The following RSRC1 variants were observed in gnomAD, a reference collection of about 807,000 sequenced individuals.
The protein encoded by RSRC1 is arginine and serine rich coiled-coil 1.
Under a neutral mutation model 49.1 loss-of-function variants are expected in RSRC1, and 39 were observed. The observed-to-expected ratio is 0.79, with a 90% CI of 0.61 to 1.04. The LOEUF (loss-of-function observed/expected upper bound fraction) is 1.04. RSRC1 is among the 50% of genes least tolerant of loss of function. The pLI, the probability that RSRC1 is intolerant of heterozygous loss-of-function variation, is 0.00. For missense variants in RSRC1, 388 were observed against 402.4 expected (o/e 0.96, Z 0.31); for synonymous variants, 143 against 130.8 (o/e 1.09, Z -0.63).
chr3:158,442,789 A>G lies in RSRC1; in HGVS notation c.584-18146A>G, dbSNP rs560513152. On this transcript the variant is annotated intron_variant, in intron 6 of 9. Coordinates refer to ENST00000611884, the MANE Select transcript of RSRC1 (RefSeq NM_001271838.2). ...TAAGAAATACATTTTATAGGGCTAT[A>G]GCTGCCATAGCCCTAGAAAATGTAT... Among the ~76,000 whole-genome samples, 7 of 152,154 alleles carry G rather than the reference A, an allele frequency of 4.6e-5. No individual in the cohort carries two copies. The East Asian group carries it at 9.7e-4, about 21-fold the overall frequency.
At chr3:158,181,903 T>A (rs528192388) in intron 3 of RSRC1, among the ~76,000 whole-genome samples, 1 of 152,300 alleles carries the variant, frequency 6.6e-6, no homozygotes, top group South Asian at 2.1e-4. Flanking sequence ...AAGGCACTAT[T>A]CTAGGCACCT....
chr3:158,271,743 G>A (rs1360588010), intron 4 of RSRC1, among the ~76,000 whole-genome samples: 1 of 151,866 alleles, frequency 6.6e-6, no homozygotes, highest in African/African-American at 2.4e-5. Context: ...CATTTTCATT[G>A]AACTAGGAAT....
At chr3:158,325,731 T>G (rs1392681826) in intron 5 of RSRC1, among the ~76,000 whole-genome samples, 1 of 152,232 alleles carries the variant, frequency 6.6e-6, no homozygotes, top group East Asian at 1.9e-4. Flanking sequence ...TGGTTCCATA[T>G]GAACTTTAAA....
In RSRC1 at chr3:158,532,720, T is replaced by C. The variant is rs543130347; in HGVS notation, c.653-4372T>C. Among the ~76,000 whole-genome samples the C allele has an allele frequency of 7.9e-5, 12 of 151,974 alleles. No individual in the cohort carries two copies. The East Asian group carries it at 9.7e-4, about 12-fold the overall frequency. On this transcript the variant is annotated intron_variant, in intron 7 of 9. Transcript: ENST00000611884. ...AGTATATATCCCTTCCATTAACATC[T>C]AGCAGAAAACATTTTATTTACAAAT...
At chr3:158,350,318 C>A (rs1205666867) in intron 5 of RSRC1, among the ~76,000 whole-genome samples, 3 of 151,996 alleles carry the variant, frequency 2.0e-5, no homozygotes, top group Middle Eastern at 3.4e-3. Flanking sequence ...GCTGGGACCA[C>A]AGGTGGATGA....
intron 5 of RSRC1, 23 bp from the exon 6 acceptor site, chr3:158,354,834 A>ATT (rs368294453): frequency 4.3e-4 from 496 of 1,154,390 alleles, no homozygotes; most frequent in South Asian, 1.4e-3. Flanking sequence ...GTATGGTTGA[A>ATT]TTTTTTTTTT....
intron 7 of RSRC1, among the ~76,000 whole-genome samples, chr3:158,488,998 T>G (rs1246290466): frequency 6.6e-6 from 1 of 152,188 alleles, no homozygotes; most frequent in Non-Finnish European, 1.5e-5. Flanking sequence ...GAAGTTGTGT[T>G]GTAATAGCAC....
intron 7 of RSRC1, among the ~76,000 whole-genome samples, chr3:158,492,556 A>G (rs1739129380): frequency 6.6e-6 from 1 of 152,148 alleles, no homozygotes; most frequent in African/African-American, 2.4e-5. Context: ...ATGGGCTGGG[A>G]GGTGGAGAAA....
chr3:158,458,933 T>A (rs1036133186), intron 6 of RSRC1, among the ~76,000 whole-genome samples: 1 of 152,188 alleles, frequency 6.6e-6, no homozygotes, highest in Non-Finnish European at 1.5e-5. Flanking sequence ...TTTTTCCAGA[T>A]TTCCTTAATA....
At chr3:158,310,286 CTA>C (rs1728057118) in intron 5 of RSRC1, among the ~76,000 whole-genome samples, 1 of 151,524 alleles carries the variant, frequency 6.6e-6, no homozygotes, top group African/African-American at 2.4e-5. Context: ...CTTTGCTTTG[CTA>C]TCTTATTGAG....
chr3:158,523,815 G>A (rs948533274), intron 7 of RSRC1, among the ~76,000 whole-genome samples: 1 of 152,020 alleles, frequency 6.6e-6, no homozygotes, highest in Non-Finnish European at 1.5e-5. Context: ...GGACTCTCTG[G>A]TGAAGCTTTC....
intron 3 of RSRC1, among the ~76,000 whole-genome samples, chr3:158,175,131 T>G (rs886353143): frequency 2.0e-5 from 3 of 152,154 alleles, no homozygotes; most frequent in African/African-American, 7.2e-5. Context: ...TATGAAATGC[T>G]TGTTTAGTCT....
chr3:158,346,324 A>T (rs1003743649), intron 5 of RSRC1, among the ~76,000 whole-genome samples: 6 of 152,146 alleles, frequency 3.9e-5, no homozygotes, highest in Non-Finnish European at 2.9e-5. Context: ...AAAAAGAAAA[A>T]GAAGGAGAAG....
At chr3:158,208,517 C>T (rs55699647) in intron 4 of RSRC1, among the ~76,000 whole-genome samples, 1,872 of 152,142 alleles carry the variant, frequency 0.012, 25 homozygotes, top group Non-Finnish European at 0.021. Context: ...GTGTTCACCA[C>T]GAAACTTGGC....
chr3:158,273,466 A>T (rs1288086233), intron 4 of RSRC1, among the ~76,000 whole-genome samples: 1 of 152,096 alleles, frequency 6.6e-6, no homozygotes, highest in Non-Finnish European at 1.5e-5. Flanking sequence ...GTAAACAGTC[A>T]TATTTTCTTC....
At chr3:158,119,376 G>T (rs1329606304) in intron 1 of RSRC1, among the ~76,000 whole-genome samples, 2 of 152,010 alleles carry the variant, frequency 1.3e-5, no homozygotes, top group Non-Finnish European at 2.9e-5. Context: ...TCATGTTCCT[G>T]TTGTTTTCTA....
rs1279133857 is a variant in RSRC1 at position 158,545,654 on chromosome 3, A to C, written c.*1379A>C. ...GTGATGATGAAATATTTGTTTTCATACAAACATGCTTTCCCATTCTAAATA... is the reference window on the plus strand; with the variant it reads ...GTGATGATGAAATATTTGTTTTCATCCAAACATGCTTTCCCATTCTAAATA... On this transcript the variant is annotated 3_prime_UTR_variant, in exon 10 of 10. Coordinates refer to ENST00000611884, the MANE Select transcript of RSRC1 (RefSeq NM_001271838.2). The C allele has an allele frequency of 6.6e-6, 1 of 152,240 alleles. No homozygotes were observed. The highest frequency in any genetic ancestry group is 6.5e-5 in the Admixed American group (1 of 15,290). 9.4% of individuals were successfully genotyped at this position (152,240 alleles called of 1,614,324 possible).
intron 3 of RSRC1, among the ~76,000 whole-genome samples, chr3:158,188,808 C>G (rs1720067043): frequency 6.6e-6 from 1 of 151,824 alleles, no homozygotes; most frequent in Non-Finnish European, 1.5e-5. Context: ...CTTTCTTGAT[C>G]TTTTGTTTCA....
intron 3 of RSRC1, among the ~76,000 whole-genome samples, chr3:158,165,236 G>C (rs530376195): frequency 6.6e-6 from 1 of 152,172 alleles, no homozygotes; most frequent in South Asian, 2.1e-4. Context: ...ATTAATGGAG[G>C]ATTAATTACT....
Sources: allele counts gnomAD v4.1 joint callset (sites outside exome capture counted in the v4.1 genomes callset), GRCh38; gene constraint gnomAD v4.1.1; transcripts MANE v1.5; gene names NCBI Gene and HGNC (gene_info 2026-07-23, HGNC 2026-07-21).